CADM2: variants seen among roughly 807,000 people sequenced by gnomAD.
The protein encoded by CADM2 is cell adhesion molecule 2.
In CADM2, 12 loss-of-function variants were observed where a neutral mutation model predicts 49.8. The observed-to-expected ratio is 0.24, with a 90% confidence interval of 0.15 to 0.39. CADM2 has a LOEUF of 0.39. Ranked by LOEUF, CADM2 falls within the 10% of genes least tolerant of loss-of-function variation. CADM2 has a pLI of 1.00. For synonymous variants in CADM2, 214 were observed against 175.4 expected (o/e 1.22, Z -1.74); for missense variants, 378 against 492.3 (o/e 0.77, Z 2.20).
At chr3:85,525,300 T>A (rs2061137383) in intron 1 of CADM2, among the ~76,000 whole-genome samples, 1 of 152,198 alleles carries the variant, frequency 6.6e-6, no homozygotes, top group South Asian at 2.1e-4. Context: ...ATATGTCACA[T>A]CTCTTACAAT....
intron 8 of CADM2, among the ~76,000 whole-genome samples, chr3:85,967,237 G>A (rs988648032): frequency 2.6e-5 from 4 of 151,504 alleles, no homozygotes; most frequent in African/African-American, 9.7e-5. Flanking sequence ...TTCCATCCTG[G>A]GTAGTGATTC....
rs2063731086 is a variant in CADM2, at chr3:85,613,604, G to A, written c.62-112918G>A. 2.0e-5 allele frequency among the ~76,000 whole-genome samples: 3 copies of A among 151,298 alleles called. No individual in the cohort carries two copies. In the South Asian group the frequency reaches 6.2e-4, roughly 31 times the overall value. ...CGAGGCAGAATTTTGATTTTCTTTTGGTTTGAGAATGACACTTTATAATAA... is the reference window on the plus strand; with the variant it reads ...CGAGGCAGAATTTTGATTTTCTTTTAGTTTGAGAATGACACTTTATAATAA... On this transcript the variant is annotated intron_variant, in intron 1 of 9. Transcript: ENST00000383699.
chr3:85,718,225 A>T (rs1028542393), intron 1 of CADM2, among the ~76,000 whole-genome samples: 27 of 152,236 alleles, frequency 1.8e-4, no homozygotes, highest in African/African-American at 6.3e-4. Context: ...AAATGAGGTA[A>T]ATCATCAACA....
At chr3:85,248,101 CA>C (rs1343688482) in intron 1 of CADM2, among the ~76,000 whole-genome samples, 1 of 151,576 alleles carries the variant, frequency 6.6e-6, no homozygotes, top group Non-Finnish European at 1.5e-5. Context: ...TTTTTCTCAG[CA>C]AAAAAACCTG....
At chr3:85,102,917 CCTTGTGAGT>C (rs1183138381) in intron 1 of CADM2, among the ~76,000 whole-genome samples, 1 of 152,060 alleles carries the variant, frequency 6.6e-6, no homozygotes. Flanking sequence ...TGTTCACAGG[CCTTGTGAGT>C]CAATGATAAG....
At chr3:85,041,399 G>A (rs1002919349) in intron 1 of CADM2, among the ~76,000 whole-genome samples, 1 of 152,092 alleles carries the variant, frequency 6.6e-6, no homozygotes, top group Non-Finnish European at 1.5e-5. Flanking sequence ...TGGAGAGGGG[G>A]GCAAAGGACA....
intron 1 of CADM2, among the ~76,000 whole-genome samples, chr3:85,027,011 G>A (rs79994609): frequency 0.051 from 7,645 of 150,236 alleles, 233 homozygotes; most frequent in East Asian, 0.1. Flanking sequence ...TTCTCTTAGT[G>A]CATCTTTTTC....
chr3:85,016,802 TAAAAAG>T (rs1407647118), intron 1 of CADM2, among the ~76,000 whole-genome samples: 1 of 143,470 alleles, frequency 7.0e-6, no homozygotes, highest in Non-Finnish European at 1.5e-5. Flanking sequence ...AAAAAAAAAA[TAAAAAG>T]AAAAAGAAAA....
chr3:85,691,925 T>G (rs1245024303), intron 1 of CADM2, among the ~76,000 whole-genome samples: 2,250 of 120,234 alleles, frequency 0.019, no homozygotes, highest in South Asian at 0.026. Context: ...AATTGAACAA[T>G]GAGAACACAT....
intron 1 of CADM2, among the ~76,000 whole-genome samples, chr3:85,445,725 C>T (rs2037417958): frequency 6.6e-6 from 1 of 152,040 alleles, no homozygotes; most frequent in Non-Finnish European, 1.5e-5. Context: ...GAGATGATTA[C>T]TCTGCAATTT....
At chr3:86,041,782 T>G (rs1414819978) in intron 8 of CADM2, among the ~76,000 whole-genome samples, 2 of 152,180 alleles carry the variant, frequency 1.3e-5, no homozygotes, top group Admixed American at 6.5e-5. Flanking sequence ...TATACTTTCT[T>G]TTCAGCACCA....
chr3:85,352,034 T>G (rs1355686931), intron 1 of CADM2, among the ~76,000 whole-genome samples: 1 of 152,158 alleles, frequency 6.6e-6, no homozygotes, highest in Non-Finnish European at 1.5e-5. Flanking sequence ...CTGTTGACTT[T>G]GAGTATTTCC....
In CADM2 at chr3:85,592,780, G is replaced by A. The variant is rs569279750; in HGVS notation, c.62-133742G>A. The stretch of plus-strand genomic sequence containing the variant: ...GCAGGTTTGTTACATAGGTATACAT[G>A]TGCCATGGTGGTTTGCTGCACCCAC... On this transcript the variant is annotated intron_variant, in intron 1 of 9. Coordinates refer to ENST00000383699, the MANE Select transcript of CADM2 (RefSeq NM_001167675.2). Among the ~76,000 whole-genome samples the A allele has an allele frequency of 9.9e-5, 15 of 151,958 alleles. No individual in the cohort carries two copies. The South Asian group carries it at 3.1e-3, about 32-fold the overall frequency.
intron 6 of CADM2, among the ~76,000 whole-genome samples, chr3:85,927,499 T>C (rs1248073103): frequency 3.9e-5 from 6 of 152,196 alleles, no homozygotes; most frequent in Non-Finnish European, 8.8e-5. Flanking sequence ...ACTAGCACTC[T>C]TCTTTGTGTG....
At chr3:85,291,842 A>T (rs2043806268) in intron 1 of CADM2, among the ~76,000 whole-genome samples, 1 of 149,056 alleles carries the variant, frequency 6.7e-6, no homozygotes, top group Non-Finnish European at 1.5e-5. Context: ...TCATGCCAAA[A>T]TGTAAAGACC....
intron 2 of CADM2, among the ~76,000 whole-genome samples, chr3:85,764,455 T>G (rs1357133925): frequency 6.6e-6 from 1 of 151,978 alleles, no homozygotes; most frequent in Non-Finnish European, 1.5e-5. Context: ...AAGAATCTGG[T>G]AAAAAGCTAG....
intron 3 of CADM2, among the ~76,000 whole-genome samples, chr3:85,821,697 C>A (rs955283343): frequency 6.6e-6 from 1 of 152,076 alleles, no homozygotes; most frequent in Non-Finnish European, 1.5e-5. Context: ...TCATGACAAA[C>A]TAACCTTATT....
chr3:86,052,182 AAT>A (rs1737420542), intron 8 of CADM2, among the ~76,000 whole-genome samples: 1 of 152,182 alleles, frequency 6.6e-6, no homozygotes, highest in Non-Finnish European at 1.5e-5. Flanking sequence ...CTGTAATTAA[AAT>A]ATGATTTATT....
chr3:85,553,793 A>G (rs1221477166), intron 1 of CADM2, among the ~76,000 whole-genome samples: 5 of 152,300 alleles, frequency 3.3e-5, no homozygotes, highest in Middle Eastern at 3.4e-3. Context: ...AGACTTAAGA[A>G]AAGTATTACG....
Sources: gnomAD v4.1 joint callset for allele counts (sites outside exome capture counted in the v4.1 genomes callset) on GRCh38, gnomAD v4.1.1 for gene constraint, MANE v1.5 for transcripts, NCBI Gene and HGNC (gene_info 2026-07-23, HGNC 2026-07-21) for gene names.